The following CDH23 variants were observed in gnomAD, a reference collection of about 807,000 sequenced individuals.
The protein encoded by CDH23 is cadherin-23.
A neutral mutation model predicts 317.1 loss-of-function variants in CDH23; 189 were observed. The ratio of observed to expected loss-of-function variants is 0.60; its 90% confidence interval spans 0.53 to 0.67. The LOEUF (loss-of-function observed/expected upper bound fraction) is 0.67. Ranked by LOEUF, CDH23 falls within the 30% of genes least tolerant of loss-of-function variation. CDH23 has a pLI of 0.00. For missense variants in CDH23, 4,401 were observed against 4,592.4 expected, an observed-to-expected ratio of 0.96 and a Z score of 1.20; for synonymous variants, 1,839 against 1,876.8, an observed-to-expected ratio of 0.98 and a Z score of 0.52.
At chr10:71,696,181 A>T (rs565427208) in intron 22 of CDH23, among the ~76,000 whole-genome samples, 5 of 152,110 alleles carry the variant, frequency 3.3e-5, no homozygotes, top group African/African-American at 1.2e-4. Flanking sequence ...CCACCCCCAC[A>T]CCATCTGCTC....
At chr10:71,402,779 GGTT>G (rs745934233) in intron 1 of CDH23, among the ~76,000 whole-genome samples, 1 of 151,984 alleles carries the variant, frequency 6.6e-6, no homozygotes, top group African/African-American at 2.4e-5. Flanking sequence ...GTTGGATGGG[GGTT>G]GTTGTGGTTT....
intron 22 of CDH23, among the ~76,000 whole-genome samples, chr10:71,700,248 G>A (rs576065930): frequency 9.2e-5 from 14 of 152,234 alleles, no homozygotes; most frequent in African/African-American, 2.9e-4. Context: ...TTAGCCAGGC[G>A]TGATGGCTTT....
Position 71,432,063 on chromosome 10 carries a change from C to A in CDH23, c.-5-7764C>A, listed in dbSNP as rs533349972. On this transcript the variant is annotated intron_variant, in intron 1 of 69. Transcript: ENST00000224721. ...TGAAACCCCTACAGGTCATGGGGAGCTTTGCAAGGAACCTGGCTTCCTCCA... is the reference window on the plus strand; with the variant it reads ...TGAAACCCCTACAGGTCATGGGGAGATTTGCAAGGAACCTGGCTTCCTCCA... Among the ~76,000 whole-genome samples the A allele has an allele frequency of 9.9e-5, 15 of 152,274 alleles. No homozygotes were observed. In the South Asian group the frequency reaches 2.9e-3, roughly 29 times the overall value.
chr10:71,405,954 C>G (rs947897556), intron 1 of CDH23, among the ~76,000 whole-genome samples: 1 of 152,048 alleles, frequency 6.6e-6, no homozygotes, highest in African/African-American at 2.4e-5. Context: ...AAAAATAATG[C>G]AAGCCACATG....
chr10:71,737,424 TCA>T (rs1315770773), intron 34 of CDH23, among the ~76,000 whole-genome samples: 1 of 152,224 alleles, frequency 6.6e-6, no homozygotes, highest in African/African-American at 2.4e-5. Flanking sequence ...AAGCCCAGGC[TCA>T]CTCTCCTATA....
At chr10:71,763,775 G>C (rs1388494711) in intron 38 of CDH23, among the ~76,000 whole-genome samples, 1 of 152,236 alleles carries the variant, frequency 6.6e-6, no homozygotes, top group Non-Finnish European at 1.5e-5. Flanking sequence ...GAGCTAGACA[G>C]GTCTCTAATT....
rs184549226 is a variant in CDH23 at position 71,588,068 on chromosome 10, G to A, written c.832+10076G>A. Among the ~76,000 whole-genome samples, 422 of 152,252 alleles carry A rather than the reference G, an allele frequency of 2.8e-3. 1 individual carries two copies. Among genetic ancestry groups the A allele is most frequent in the Non-Finnish European group, 4.9e-3 (330 of 68,014 alleles). On this transcript the variant is annotated intron_variant, in intron 9 of 69. Coordinates refer to ENST00000224721, the MANE Select transcript of CDH23 (RefSeq NM_022124.6). ...GGAAGGATGACAGAACTTGGTGGGG[G>A]CCGTAGGAGGGAGACCCCCTGGGGT... is the stretch of plus-strand genomic sequence containing the variant.
intron 1 of CDH23, among the ~76,000 whole-genome samples, chr10:71,412,374 G>A (rs1848376156): frequency 6.6e-6 from 1 of 152,100 alleles, no homozygotes; most frequent in Non-Finnish European, 1.5e-5. Flanking sequence ...ATTTTTTGAG[G>A]AACTGCCGTA....
chr10:71,608,800 A>C (rs1264337271), intron 9 of CDH23, among the ~76,000 whole-genome samples: 1 of 152,182 alleles, frequency 6.6e-6, no homozygotes, highest in African/African-American at 2.4e-5. Flanking sequence ...TCCAGGCGAG[A>C]GATGCGGGTG....
At position 71,746,120 on chromosome 10, in the gene CDH23, C is replaced by T. The variant is rs185034977; in HGVS notation, c.4845+4199C>T. On this transcript the variant is annotated intron_variant, in intron 38 of 69. Coordinates refer to ENST00000224721, the MANE Select transcript of CDH23 (RefSeq NM_022124.6). ...CACAGGTCTGCCCTCCAGGAGCCTA[C>T]GGTCTGGCAGGGGAAGGCACATGTA... Among the ~76,000 whole-genome samples the T allele has an allele frequency of 9.2e-5, 14 of 152,316 alleles. No individual in the cohort carries two copies. In the East Asian group the frequency reaches 2.3e-3, roughly 25 times the overall value.
intron 3 of CDH23, among the ~76,000 whole-genome samples, chr10:71,466,701 G>T (rs1307586785): frequency 6.6e-6 from 1 of 152,236 alleles, no homozygotes; most frequent in Non-Finnish European, 1.5e-5. Context: ...GTGTGTGTGT[G>T]TAGGTACTGA....
chr10:71,520,231 G>T (rs944915988), intron 6 of CDH23, among the ~76,000 whole-genome samples: 1 of 152,198 alleles, frequency 6.6e-6, no homozygotes, highest in African/African-American at 2.4e-5. Flanking sequence ...GGCATTGGTG[G>T]TCAGGAAACT....
At chr10:71,783,389 C>T (rs1486250066) in intron 41 of CDH23, among the ~76,000 whole-genome samples, 3 of 152,214 alleles carry the variant, frequency 2.0e-5, no homozygotes, top group East Asian at 1.9e-4. Flanking sequence ...AAGTCCTGTG[C>T]GAGGCAATGG....
intron 38 of CDH23, among the ~76,000 whole-genome samples, chr10:71,775,677 G>T (rs1840800535): frequency 6.6e-6 from 1 of 152,056 alleles, no homozygotes; most frequent in Admixed American, 6.5e-5. Flanking sequence ...CCCAAGCCCA[G>T]ACCTGGTCTC....
Position 71,724,108 on chromosome 10 carries a change from A to C in CDH23, c.3430+3A>C. On this transcript the variant is annotated splice_donor_region_variant and intron_variant, in intron 29 of 69. Transcript: ENST00000224721. ...TGTGTGGTACCGCATCCTCCATGGT[A>C]AGTGGGGCTGCCCTAGGATGGGGGG... 1 of 1,556,270 alleles carries C rather than the reference A, an allele frequency of 6.4e-7. No individual in the cohort carries two copies. The highest frequency in any genetic ancestry group is 1.7e-4 in the Middle Eastern group (1 of 6,004).
At position 71,807,169 on chromosome 10, in the gene CDH23, G is replaced by C. The variant is rs373282160; in HGVS notation, c.8179-108G>C. ...CTACTCACCCCATAAGGCCTGGACA[G>C]TAAACTCCCTCAGCACCTACAAAGT... On this transcript the variant is annotated intron_variant, in intron 57 of 69. Coordinates refer to ENST00000224721, the MANE Select transcript of CDH23 (RefSeq NM_022124.6). 119 of 1,405,352 alleles carry C rather than the reference G, an allele frequency of 8.5e-5. No individual in the cohort carries two copies. In the East Asian group the frequency reaches 2.2e-3, roughly 25 times the overall value. 87.1% of individuals were successfully genotyped at this position (1,405,352 alleles called of 1,614,324 possible). A position where few individuals can be genotyped will look rare whatever the true frequency, so the allele number is the denominator to read the frequency against.
Position 71,706,914 on chromosome 10 carries a change from G to A in CDH23, c.2971G>A (p.Glu991Lys), listed in dbSNP as rs551073659. The change falls in exon 26 of 70, where the codon GAG becomes AAG. Residue 991 changes from glutamate to lysine, a missense_variant. Glu to Lys is a moderately conservative substitution (Grantham distance 56). Transcript: ENST00000224721. The stretch of plus-strand genomic sequence containing the variant: ...CCCCGCAGTGCTGGATGTGAACGAC[G>A]AGACGCCCACCTTCTTCCCGGCCGT... ...LTIHVLDVNDETPTFFPAVYN... is the reference protein window; with the variant it reads ...LTIHVLDVNDKTPTFFPAVYN... 12 of 1,603,176 alleles carry A rather than the reference G, an allele frequency of 7.5e-6. No individual in the cohort carries two copies. Among genetic ancestry groups the A allele is most frequent in the East Asian group, 4.5e-5 (2 of 44,284 alleles).
intron 2 of CDH23, among the ~76,000 whole-genome samples, chr10:71,443,544 G>A (rs1037213591): frequency 6.6e-6 from 1 of 152,232 alleles, no homozygotes; most frequent in Non-Finnish European, 1.5e-5. Flanking sequence ...ATGCCCTCCC[G>A]GTCTGCCTTT....
intron 3 of CDH23, among the ~76,000 whole-genome samples, chr10:71,498,670 G>A (rs1244397556): frequency 6.6e-6 from 1 of 152,224 alleles, no homozygotes; most frequent in African/African-American, 2.4e-5. Flanking sequence ...GCTCTGCCTT[G>A]TGCTAGCTGT....
Sources: allele counts gnomAD v4.1 joint callset (sites outside exome capture counted in the v4.1 genomes callset), GRCh38; gene constraint gnomAD v4.1.1; transcripts MANE v1.5; gene names NCBI Gene and HGNC (gene_info 2026-07-23, HGNC 2026-07-21).